Variants in SPATA17 observed in about 807,000 individuals in gnomAD.
The protein encoded by SPATA17 is spermatogenesis associated 17.
A neutral mutation model predicts 62.2 loss-of-function variants in SPATA17; 53 were observed. The observed-to-expected ratio is 0.85, with a 90% CI of 0.68 to 1.07. The LOEUF is 1.07. Among genes scored for constraint, SPATA17 ranks in the 50% least tolerant of loss-of-function variants. The pLI, the probability that SPATA17 is intolerant of heterozygous loss-of-function variation, is 0.00. For missense variants in SPATA17, 466 were observed against 425.5 expected (o/e 1.10, Z -0.84); for synonymous variants, 146 against 146.8 (o/e 0.99, Z 0.04).
chr1:217,728,750 A>T (rs1672330171), intron 5 of SPATA17, among the ~76,000 whole-genome samples: 1 of 152,124 alleles, frequency 6.6e-6, no homozygotes, highest in African/African-American at 2.4e-5. Flanking sequence ...GTGGGCTGTC[A>T]TGTTATTTCA....
intron 5 of SPATA17, among the ~76,000 whole-genome samples, chr1:217,712,581 T>C (rs567149814): frequency 9.9e-5 from 15 of 152,260 alleles, no homozygotes; most frequent in East Asian, 3.9e-4. Context: ...CCCAGGCCTT[T>C]TCCTTCCATT....
chr1:217,702,285 G>C (rs1571742653), intron 5 of SPATA17, among the ~76,000 whole-genome samples: 1 of 151,816 alleles, frequency 6.6e-6, no homozygotes, highest in East Asian at 1.9e-4. Flanking sequence ...GATATATATG[G>C]GTCACCACTA....
chr1:217,752,126 C>T (rs1200066829), intron 6 of SPATA17, among the ~76,000 whole-genome samples: 6 of 152,126 alleles, frequency 3.9e-5, no homozygotes, highest in Admixed American at 3.9e-4. Flanking sequence ...TTTGTGGGCT[C>T]AAGTGCTCTC....
intron 4 of SPATA17, among the ~76,000 whole-genome samples, chr1:217,674,177 C>T (rs894002075): frequency 6.6e-6 from 1 of 152,124 alleles, no homozygotes; most frequent in Non-Finnish European, 1.5e-5. Context: ...CCTAAGTGTA[C>T]TGTAGTCAAA....
At chr1:217,776,722 T>C (rs1384532562) in intron 7 of SPATA17, among the ~76,000 whole-genome samples, 1 of 149,636 alleles carries the variant, frequency 6.7e-6, no homozygotes, top group East Asian at 2.0e-4. Context: ...CGTGATCTCA[T>C]ATGAAGGCTC....
intron 5 of SPATA17, among the ~76,000 whole-genome samples, chr1:217,691,508 G>C (rs1450565804): frequency 1.2e-5 from 1 of 84,444 alleles, no homozygotes; most frequent in Non-Finnish European, 2.4e-5. Flanking sequence ...GATCCCATTT[G>C]TCAATTTTGG....
intron 5 of SPATA17, among the ~76,000 whole-genome samples, chr1:217,726,514 C>G (rs1323924503): frequency 6.6e-6 from 1 of 152,170 alleles, no homozygotes; most frequent in East Asian, 1.9e-4. Flanking sequence ...GGCCGTCAAA[C>G]TTGTTCAGTA....
intron 9 of SPATA17, among the ~76,000 whole-genome samples, chr1:217,835,646 A>G (rs1337776280): frequency 6.6e-6 from 1 of 152,120 alleles, no homozygotes; most frequent in Non-Finnish European, 1.5e-5. Context: ...CTGTCCTGAT[A>G]AATTATAATA....
At chr1:217,792,452 A>G (rs977208540) in intron 8 of SPATA17, among the ~76,000 whole-genome samples, 1 of 152,162 alleles carries the variant, frequency 6.6e-6, no homozygotes, top group Non-Finnish European at 1.5e-5. Flanking sequence ...CTGCACCTTC[A>G]TCTGCTTCTT....
intron 5 of SPATA17, among the ~76,000 whole-genome samples, chr1:217,703,908 G>A (rs1310389415): frequency 6.6e-6 from 1 of 151,926 alleles, no homozygotes; most frequent in Non-Finnish European, 1.5e-5. Flanking sequence ...GTTATTGTCT[G>A]CTGTTAAACT....
intron 8 of SPATA17, among the ~76,000 whole-genome samples, chr1:217,798,299 A>T (rs1232377861): frequency 6.6e-6 from 1 of 152,122 alleles, no homozygotes; most frequent in African/African-American, 2.4e-5. Flanking sequence ...AATTCATAAG[A>T]CCTTATTTGC....
At chr1:217,708,747 C>T (rs957471519) in intron 5 of SPATA17, among the ~76,000 whole-genome samples, 1 of 151,928 alleles carries the variant, frequency 6.6e-6, no homozygotes, top group Non-Finnish European at 1.5e-5. Context: ...AACTTCAGGC[C>T]GATATCCTTG....
In SPATA17 at chr1:217,802,198, A is replaced by C. The variant is rs143796226; in HGVS notation, c.1005+348A>C. Among the ~76,000 whole-genome samples, 268 of 152,242 alleles carry C rather than the reference A, an allele frequency of 1.8e-3. 1 individual carries two copies. The highest frequency in any genetic ancestry group is 5.4e-3 in the African/African-American group (223 of 41,544). On this transcript the variant is annotated intron_variant, in intron 9 of 10. Transcript: ENST00000366933. ...GATCAGGGCTTGTTTGCTCTCTCTC[A>C]ATCTATGTATGTATGTTTATAGATA...
At chr1:217,749,520 C>T (rs540777764) in intron 6 of SPATA17, among the ~76,000 whole-genome samples, 1 of 151,992 alleles carries the variant, frequency 6.6e-6, no homozygotes, top group African/African-American at 2.4e-5. Context: ...TCTAAACTAT[C>T]CCCAGTTATC....
chr1:217,762,424 C>G (rs1673192068), intron 6 of SPATA17, among the ~76,000 whole-genome samples: 1 of 152,204 alleles, frequency 6.6e-6, no homozygotes, highest in Non-Finnish European at 1.5e-5. Context: ...ACTCCACATT[C>G]TCTTACATTC....
intron 9 of SPATA17, among the ~76,000 whole-genome samples, chr1:217,843,629 C>T (rs541681807): frequency 1.3e-5 from 2 of 151,840 alleles, no homozygotes; most frequent in South Asian, 4.2e-4. Flanking sequence ...TTTTTAATGG[C>T]CAGGGACTAA....
At chr1:217,704,143 G>A (rs1671671202) in intron 5 of SPATA17, among the ~76,000 whole-genome samples, 1 of 149,876 alleles carries the variant, frequency 6.7e-6, no homozygotes, top group Non-Finnish European at 1.5e-5. Flanking sequence ...ACAGTGGTTG[G>A]GTGTACAGAT....
chr1:217,665,093 T>A (rs1469244422), intron 3 of SPATA17, among the ~76,000 whole-genome samples: 1 of 152,194 alleles, frequency 6.6e-6, no homozygotes, highest in Non-Finnish European at 1.5e-5. Flanking sequence ...GAATTTTGCT[T>A]ATCACTTTGA....
In SPATA17 at chr1:217,686,591, C is replaced by T. The variant is rs78862131; in HGVS notation, c.395+3230C>T. Reference sequence around the variant, plus strand: ...ATGTTTTGCTTTCATCTTTAAAAGACGCGTAATTTCTTTGTTTCACAGATA... The same window carrying T: ...ATGTTTTGCTTTCATCTTTAAAAGATGCGTAATTTCTTTGTTTCACAGATA... On this transcript the variant is annotated intron_variant, in intron 5 of 10. Transcript: ENST00000366933. Among the ~76,000 whole-genome samples, 17 of 152,174 alleles carry T rather than the reference C, an allele frequency of 1.1e-4. No individual in the cohort carries two copies. In the East Asian group the frequency reaches 2.3e-3, roughly 21 times the overall value.
Sources: allele counts gnomAD v4.1 joint callset (sites outside exome capture counted in the v4.1 genomes callset), GRCh38; gene constraint gnomAD v4.1.1; transcripts MANE v1.5; gene names NCBI Gene and HGNC (gene_info 2026-07-23, HGNC 2026-07-21).